The following PNLIP variants were observed in gnomAD, a reference collection of about 807,000 sequenced individuals.
PNLIP encodes the protein pancreatic lipase, also known as pancreatic triacylglycerol lipase.
PNLIP carries 49 observed loss-of-function variants against 57.1 expected under a neutral mutation model. That is an observed-to-expected ratio of 0.86 (90% CI 0.68 to 1.09). PNLIP has a LOEUF of 1.09. Among genes scored for constraint, PNLIP ranks in the 50% least tolerant of loss-of-function variants. PNLIP has a pLI of 0.00. For synonymous variants in PNLIP, 209 were observed against 200.4 expected (o/e 1.04, Z -0.36); for missense variants, 503 against 570.2 (o/e 0.88, Z 1.20).
chr10:116,552,586 T>TA (rs1436517473), intron 5 of PNLIP, among the ~76,000 whole-genome samples: 4 of 151,940 alleles, frequency 2.6e-5, no homozygotes, highest in Admixed American at 6.6e-5. Flanking sequence ...GTTAAAAGTT[T>TA]AAAAAAAATA....
rs367675671 is a variant in PNLIP, at chr10:116,559,235, G to A, written c.1012G>A (p.Val338Met). The A allele has an allele frequency of 6.2e-7, 1 of 1,614,080 alleles. No homozygotes were observed. The highest frequency in any genetic ancestry group is 8.5e-7 in the Non-Finnish European group (1 of 1,179,948). ...TAGATATCCTGGGAAAACAAATGAT[G>A]TGGGCCAGAAATTTTATCTAGACAC... ...ADRYPGKTND[V>M]GQKFYLDTGD... is the part of the protein sequence containing the mutation. The change falls in exon 10 of 13, where the codon GTG becomes ATG. Residue 338 changes from valine (V) to methionine (M), a missense_variant. Coordinates refer to ENST00000369221, the MANE Select transcript of PNLIP (RefSeq NM_000936.4).
intron 12 of PNLIP, 131 bp downstream of exon 12, chr10:116,561,767 A>C (rs752527000): frequency 2.9e-6 from 2 of 698,592 alleles, no homozygotes; most frequent in Non-Finnish European, 2.4e-6. Context: ...TTGCTTCCTA[A>C]TGCCTTCTGT....
At chr10:116,565,516 A>G (rs909134074) in intron 12 of PNLIP, among the ~76,000 whole-genome samples, 20 of 145,182 alleles carry the variant, frequency 1.4e-4, no homozygotes, top group African/African-American at 4.9e-4. Context: ...GCTGGAGTGC[A>G]GTGGCACGAT....
Position 116,548,526 on chromosome 10 carries a change from G to A in PNLIP, c.324+44G>A, listed in dbSNP as rs371253807. ...TCAAGGAAAGATCGTTTCCAAAGTGGTAATTAACAAACGGTAAGGCACTGG... is the reference window on the plus strand; with the variant it reads ...TCAAGGAAAGATCGTTTCCAAAGTGATAATTAACAAACGGTAAGGCACTGG... On this transcript the variant is annotated intron_variant, in intron 4 of 12. Transcript: ENST00000369221. 14 of 1,601,630 alleles carry A rather than the reference G, an allele frequency of 8.7e-6. No individual in the cohort carries two copies. The Admixed American group carries it at 1.7e-4, about 19-fold the overall frequency.
Position 116,563,159 on chromosome 10 carries a change from C to T in PNLIP, c.1334+1523C>T, listed in dbSNP as rs187949847. 3.9e-3 allele frequency among the ~76,000 whole-genome samples: 598 copies of T among 152,246 alleles called. 4 individuals carry two copies. The highest frequency in any genetic ancestry group is 0.02 in the South Asian group (97 of 4,828). ...CATTTGCTTAAAAGGTCAGTAAAGGCATGGCATATACAGGTTAAGTGTTTC... is the reference window on the plus strand; with the variant it reads ...CATTTGCTTAAAAGGTCAGTAAAGGTATGGCATATACAGGTTAAGTGTTTC... On this transcript the variant is annotated intron_variant, in intron 12 of 12. Transcript: ENST00000369221.
rs1159877626 is a variant in PNLIP, at chr10:116,567,074, T to C, written c.1335-661T>C. Among the ~76,000 whole-genome samples the C allele has an allele frequency of 2.0e-5, 3 of 148,600 alleles. No individual in the cohort carries two copies. The East Asian group carries it at 6.3e-4, about 31-fold the overall frequency. On this transcript the variant is annotated intron_variant, in intron 12 of 12. Coordinates refer to ENST00000369221, the MANE Select transcript of PNLIP (RefSeq NM_000936.4). ...TTCCTTTCTTCTTTCCTTCCCTCCCTCCCTTCTTTCTTTTCATTCCTTCCA... is the reference window on the plus strand; with the variant it reads ...TTCCTTTCTTCTTTCCTTCCCTCCCCCCCTTCTTTCTTTTCATTCCTTCCA...
rs1368983391 is a variant in PNLIP, at chr10:116,561,490, T to C, written c.1188T>C (p.Asp396=). The C allele has an allele frequency of 1.2e-6, 2 of 1,613,450 alleles. No individual in the cohort carries two copies. The highest frequency in any genetic ancestry group is 1.7e-5 in the Admixed American group (1 of 59,962). Residue 396 remains aspartate (D), a synonymous_variant, in exon 12 of 13, where the codon GAT becomes GAC. Transcript: ENST00000369221. The part of the protein sequence containing the change: ...YEIFKGTLKP[D]STHSNEFDSD... ...TCCTTAGGGGCACTCTCAAACCAGA[T>C]AGTACTCATTCCAATGAATTTGACT...
chr10:116,553,592 T>C, intron 5 of PNLIP, 135 bp from the exon 6 acceptor site: 1 of 678,844 alleles, frequency 1.5e-6, no homozygotes, highest in Non-Finnish European at 2.7e-6. Context: ...GCCATCTAGG[T>C]TTATGTAAAT....
At chr10:116,547,234 G>T in intron 2 of PNLIP, 60 bp from the exon 3 acceptor site, 1 of 1,514,134 alleles carries the variant, frequency 6.6e-7, no homozygotes, top group Non-Finnish European at 9.2e-7. Flanking sequence ...TCATATATTG[G>T]CAGACAGATC....
rs1323715124 is a variant in PNLIP, at chr10:116,545,973, T to C, written c.-1+15T>C. 2.4e-6 allele frequency: 2 copies of C among 837,834 alleles called. No individual in the cohort carries two copies. The highest frequency in any genetic ancestry group is 4.0e-6 in the Non-Finnish European group (2 of 497,010). The allele number at this position is 837,834 out of a possible 1,614,324, so 51.9% of individuals were successfully genotyped here. On this transcript the variant is annotated intron_variant, in intron 1 of 12. Transcript: ENST00000369221. ...GAACTGCCACGGTGAGTCGGGAACA[T>C]GTTTTCCAGGCCTAATTGATCAGAA...
chr10:116,558,048 C>T (rs1430244874), intron 9 of PNLIP, among the ~76,000 whole-genome samples: 5 of 150,224 alleles, frequency 3.3e-5, no homozygotes, highest in East Asian at 2.0e-4. Context: ...AAGTCAAGAT[C>T]GAGACCATCC....
At chr10:116,550,969 C>A in intron 4 of PNLIP, 129 bp from the exon 5 acceptor site, 2 of 666,950 alleles carry the variant, frequency 3.0e-6, no homozygotes, top group Non-Finnish European at 2.3e-6. Flanking sequence ...AAAGTTTTGT[C>A]AATTGCATTA....
intron 8 of PNLIP, 57 bp downstream of exon 8, chr10:116,555,564 T>C (rs1212146500): frequency 1.3e-6 from 2 of 1,557,654 alleles, no homozygotes; most frequent in Non-Finnish European, 1.7e-6. Context: ...TGTTTTGTTT[T>C]GCTAAACTTG....
At chr10:116,560,655 A>G (rs1589558790) in intron 11 of PNLIP, 131 bp downstream of exon 11, 2 of 494,580 alleles carry the variant, frequency 4.0e-6, no homozygotes, top group Admixed American at 4.0e-5. Context: ...TTGGCTCACT[A>G]CAACCTCTGC....
intron 12 of PNLIP, among the ~76,000 whole-genome samples, chr10:116,566,457 G>A (rs887916808): frequency 1.3e-5 from 2 of 152,098 alleles, no homozygotes; most frequent in Non-Finnish European, 2.9e-5. Flanking sequence ...AAAATTGGGG[G>A]ATGATAGATA....
chr10:116,560,209 C>T (rs889243257), intron 10 of PNLIP, among the ~76,000 whole-genome samples: 2 of 151,204 alleles, frequency 1.3e-5, no homozygotes, highest in Non-Finnish European at 2.9e-5. Context: ...CTGCAAAGCC[C>T]CTATTACCTA....
In PNLIP at chr10:116,561,652, C is replaced by T; in HGVS notation, c.1334+16C>T. ...TTGGAAAACAGTAAGTAATGAAAAT[C>T]CCAGGAGATGTGAAATATCGAGTCT... On this transcript the variant is annotated intron_variant, in intron 12 of 12. Coordinates refer to ENST00000369221, the MANE Select transcript of PNLIP (RefSeq NM_000936.4). The T allele has an allele frequency of 6.3e-7, 1 of 1,596,592 alleles. No individual in the cohort carries two copies. Among genetic ancestry groups the T allele is most frequent in the African/African-American group, 1.3e-5 (1 of 74,638 alleles).
At chr10:116,562,844 T>C (rs1344584702) in intron 12 of PNLIP, among the ~76,000 whole-genome samples, 1 of 152,224 alleles carries the variant, frequency 6.6e-6, no homozygotes, top group East Asian at 1.9e-4. Flanking sequence ...TCTTGCTTTA[T>C]AGTGGAAAAT....
chr10:116,547,874 A>G (rs576749493), intron 3 of PNLIP, among the ~76,000 whole-genome samples: 62 of 152,180 alleles, frequency 4.1e-4, no homozygotes, highest in African/African-American at 1.5e-3. Flanking sequence ...CTTAGGTATT[A>G]CTTAATGTAA....
Sources: gnomAD v4.1 joint callset for allele counts (sites outside exome capture counted in the v4.1 genomes callset) on GRCh38, gnomAD v4.1.1 for gene constraint, MANE v1.5 for transcripts, NCBI Gene and HGNC (gene_info 2026-07-23, HGNC 2026-07-21) for gene names.